KIAA1671: variants seen among roughly 807,000 people sequenced by gnomAD.
KIAA1671 encodes uncharacterized protein KIAA1671.
Under a neutral mutation model 131.2 loss-of-function variants are expected in KIAA1671, and 52 were observed. The ratio of observed to expected loss-of-function variants is 0.40; its 90% CI spans 0.32 to 0.50. The LOEUF is 0.50. Among genes scored for constraint, KIAA1671 ranks in the 20% least tolerant of loss-of-function variants. The pLI, the probability that KIAA1671 is intolerant of heterozygous loss-of-function variation, is 0.73. For synonymous variants in KIAA1671, 1,003 were observed against 961.6 expected (o/e 1.04, Z -0.80); for missense variants, 2,360 against 2,364.2 (o/e 1.00, Z 0.04).
At chr22:24,979,415 T>C (rs1362122763) in intron 1 of KIAA1671, among the ~76,000 whole-genome samples, 2 of 151,224 alleles carry the variant, frequency 1.3e-5, no homozygotes, top group East Asian at 3.9e-4. Context: ...AGTGCGGCTA[T>C]CTCAGCTCAC....
At chr22:25,146,311 TC>T (rs1932878108) in intron 6 of KIAA1671, among the ~76,000 whole-genome samples, 1 of 152,310 alleles carries the variant, frequency 6.6e-6, no homozygotes, top group South Asian at 2.1e-4. Flanking sequence ...CACCTGGACT[TC>T]CATATCAAGT....
In KIAA1671 at chr22:25,039,872, T is replaced by C; in HGVS notation, c.2742T>C (p.Ile914=). The change falls in exon 5 of 13, where the codon ATT becomes ATC. Residue 914 remains isoleucine (I), a synonymous_variant. Coordinates refer to ENST00000358431, the MANE Select transcript of KIAA1671 (RefSeq NM_001145206.2). ...TTGCTGTGCAGAAAGGGCCCTTCAT[T>C]GTAGCCGCCAGGGAGGGTGATCCAG... The part of the protein sequence containing the change: ...DAFAVQKGPF[I]VAAREGDPGP... The C allele has an allele frequency of 2.6e-6, 4 of 1,551,424 alleles. No individual in the cohort carries two copies. In the Admixed American group the frequency reaches 5.9e-5, roughly 23 times the overall value.
At chr22:24,971,427 G>C (rs946362617) in intron 1 of KIAA1671, among the ~76,000 whole-genome samples, 3 of 152,160 alleles carry the variant, frequency 2.0e-5, no homozygotes, top group Non-Finnish European at 4.4e-5. Flanking sequence ...TCTACCCCTT[G>C]TGTAGAAGTG....
At chr22:25,022,458 A>T (rs1925727988) in intron 1 of KIAA1671, 1 of 152,216 alleles carries the variant, frequency 6.6e-6, no homozygotes, top group East Asian at 1.9e-4. Context: ...GGCAGTGAGC[A>T]TTGGCAGAAG....
intron 6 of KIAA1671, among the ~76,000 whole-genome samples, chr22:25,075,667 A>G (rs1233034530): frequency 1.4e-5 from 2 of 142,552 alleles, no homozygotes; most frequent in East Asian, 2.1e-4. Flanking sequence ...AATTTTTTGT[A>G]TTTTTATTTT....
chr22:25,020,289 A>G (rs1925591999), intron 1 of KIAA1671, among the ~76,000 whole-genome samples: 1 of 152,150 alleles, frequency 6.6e-6, no homozygotes, highest in Admixed American at 6.5e-5. Context: ...TGAATGAGAG[A>G]AGGCACAAGA....
At chr22:25,174,149 A>G (rs2146019681) in intron 7 of KIAA1671, 91 bp from the exon 8 acceptor site, 3 of 1,395,486 alleles carry the variant, frequency 2.1e-6, no homozygotes, top group Admixed American at 2.2e-5. Flanking sequence ...ACATAACCCA[A>G]GCTATGCTGC....
intron 1 of KIAA1671, among the ~76,000 whole-genome samples, chr22:24,968,847 G>A (rs916482601): frequency 3.9e-5 from 6 of 152,026 alleles, no homozygotes; most frequent in Admixed American, 3.3e-4. Context: ...TGCTCTTTTT[G>A]TCCTTATTAT....
rs1331021865 is a variant in KIAA1671 at position 25,068,641 on chromosome 22, T to A, written c.4530+19277T>A. 2.0e-5 allele frequency among the ~76,000 whole-genome samples: 3 copies of A among 152,226 alleles called. No homozygotes were observed. In the East Asian group the frequency reaches 5.8e-4, roughly 29 times the overall value. Reference sequence around the variant, plus strand: ...TTAGTAGAGACGGGGTTTCACCGTGTTAGCCAGGATGGTCTCGATCTCCTG... The same window carrying A: ...TTAGTAGAGACGGGGTTTCACCGTGATAGCCAGGATGGTCTCGATCTCCTG... On this transcript the variant is annotated intron_variant, in intron 6 of 12. Coordinates refer to ENST00000358431, the MANE Select transcript of KIAA1671 (RefSeq NM_001145206.2).
At chr22:25,144,930 A>G (rs1932854799) in intron 6 of KIAA1671, among the ~76,000 whole-genome samples, 1 of 152,200 alleles carries the variant, frequency 6.6e-6, no homozygotes, top group Non-Finnish European at 1.5e-5. Flanking sequence ...ACAAAGAAGT[A>G]AGGGGTATGT....
At chr22:25,089,266 A>ATTT (rs34941122) in intron 6 of KIAA1671, among the ~76,000 whole-genome samples, 51 of 89,224 alleles carry the variant, frequency 5.7e-4, no homozygotes, top group African/African-American at 1.5e-3. Context: ...TGTGTGTTTA[A>ATTT]TTTTTTTTTT....
chr22:25,167,511 G>A (rs533733739), intron 6 of KIAA1671, among the ~76,000 whole-genome samples: 53 of 152,368 alleles, frequency 3.5e-4, no homozygotes, highest in Non-Finnish European at 5.3e-4. Context: ...GTAAAATGGT[G>A]ATGTAGGTGA....
chr22:24,989,804 C>T (rs1028015086), intron 1 of KIAA1671, among the ~76,000 whole-genome samples: 12 of 152,044 alleles, frequency 7.9e-5, no homozygotes, highest in African/African-American at 2.7e-4. Context: ...GGAGGGTGTG[C>T]GGGGTGAATG....
At chr22:24,971,687 A>G (rs1221178484) in intron 1 of KIAA1671, among the ~76,000 whole-genome samples, 1 of 151,990 alleles carries the variant, frequency 6.6e-6, no homozygotes, top group Non-Finnish European at 1.5e-5. Flanking sequence ...CTGCTGTGGG[A>G]TGTGGTACTG....
chr22:25,153,465 C>G (rs899910850), intron 6 of KIAA1671, among the ~76,000 whole-genome samples: 1 of 152,236 alleles, frequency 6.6e-6, no homozygotes, highest in Non-Finnish European at 1.5e-5. Flanking sequence ...AAACCCCATC[C>G]TAGACCTCAC....
chr22:25,124,951 G>A (rs1480269223), intron 6 of KIAA1671, among the ~76,000 whole-genome samples: 1 of 152,136 alleles, frequency 6.6e-6, no homozygotes, highest in East Asian at 1.9e-4. Flanking sequence ...AGAGATGGGG[G>A]TCTCACTATG....
chr22:24,994,158 C>T (rs928608465), intron 1 of KIAA1671, among the ~76,000 whole-genome samples: 3 of 152,140 alleles, frequency 2.0e-5, no homozygotes, highest in African/African-American at 7.2e-5. Flanking sequence ...TTTGCTGACA[C>T]ATTTCAAAAT....
chr22:25,021,512 T>G (rs1378561211), intron 1 of KIAA1671, among the ~76,000 whole-genome samples: 1 of 150,898 alleles, frequency 6.6e-6, no homozygotes, highest in African/African-American at 2.4e-5. Flanking sequence ...TGAATGTCCA[T>G]TCCATGGGAA....
At chr22:25,019,025 C>G (rs1320537468) in intron 1 of KIAA1671, among the ~76,000 whole-genome samples, 3 of 150,410 alleles carry the variant, frequency 2.0e-5, no homozygotes, top group South Asian at 2.1e-4. Context: ...GTTCCAGTGT[C>G]TTCACATCCT....
Sources: gnomAD v4.1 joint callset for allele counts (sites outside exome capture counted in the v4.1 genomes callset) on GRCh38, gnomAD v4.1.1 for gene constraint, MANE v1.5 for transcripts, NCBI Gene and HGNC (gene_info 2026-07-23, HGNC 2026-07-21) for gene names.